The following NBPF20 variants were observed in gnomAD, a reference collection of about 807,000 sequenced individuals.
NBPF20 encodes the protein NBPF family member NBPF20.
In NBPF20, 90 loss-of-function variants were observed where a neutral mutation model predicts 68.1. The ratio of observed to expected loss-of-function variants is 1.32; its 90% CI spans 1.11 to 1.58. The LOEUF (loss-of-function observed/expected upper bound fraction) is 1.58, where lower values mean the gene tolerates loss of function less well. NBPF20 is among the 40% of genes most tolerant of loss of function. NBPF20 has a pLI of 0.00. For synonymous variants in NBPF20, 290 were observed against 228.1 expected (o/e 1.27, Z -2.45); for missense variants, 816 against 601.2 (o/e 1.36, Z -3.74).
chr1:145,393,380 A>G (rs1553662580), intron 9 of NBPF20, 134 bp from the exon 15 acceptor site: 3 of 713,122 alleles, frequency 4.2e-6, no homozygotes, highest in Non-Finnish European at 7.8e-6. Context: ...GTAAGAAATT[A>G]TTGCCTTTAT....
At chr1:145,408,079 T>G (rs1662881014), upstream of NBPF20, 11 of 188,114 alleles carry the variant, frequency 5.8e-5, no homozygotes, top group South Asian at 1.3e-3. Flanking sequence ...GCCAAGACGC[T>G]AGGCCTGCTG....
At chr1:145,397,893 T>A (rs1662336097) in intron 7 of NBPF20, among the ~76,000 whole-genome samples, 1 of 152,046 alleles carries the variant, frequency 6.6e-6, no homozygotes, top group African/African-American at 2.4e-5. Flanking sequence ...GAGGAAGATC[T>A]ACCAAGCAAA....
exon 9 of NBPF20, chr1:145,393,926 C>A (rs1303986556): frequency 7.9e-6 from 11 of 1,397,398 alleles, no homozygotes; most frequent in Non-Finnish European, 1.1e-5. Flanking sequence ...CACTTGATCC[C>A]ACCGATGTCC....
the NBPF20 span, among the ~76,000 whole-genome samples, chr1:145,410,932 TA>T: frequency 7.2e-6 from 1 of 139,296 alleles, no homozygotes; most frequent in Non-Finnish European, 1.5e-5. Flanking sequence ...TATACATATA[TA>T]TATGTCCTAA....
exon 2 of NBPF20, chr1:145,405,260 C>G (rs782010590): frequency 4.4e-5 from 71 of 1,608,984 alleles, no homozygotes; most frequent in Non-Finnish European, 5.9e-5. Flanking sequence ...CAAGGGCCGG[C>G]TGATACCACC....
At chr1:145,342,878 G>A (rs1661633265) in intron 73 of NBPF20, among the ~76,000 whole-genome samples, 2 of 49,846 alleles carry the variant, frequency 4.0e-5, no homozygotes, top group African/African-American at 2.1e-4. Flanking sequence ...GACACTCTGA[G>A]TTAGTGCCCT....
intron 115 of NBPF20, among the ~76,000 whole-genome samples, chr1:145,309,546 G>T (rs1346579977): frequency 1.6e-5 from 1 of 63,842 alleles, no homozygotes; most frequent in South Asian, 6.5e-4. Context: ...ACACTGATGA[G>T]GGAGTAACAG....
chr1:145,402,685 C>T (rs1398910436), intron 3 of NBPF20, among the ~76,000 whole-genome samples: 1 of 150,284 alleles, frequency 6.7e-6, no homozygotes, highest in African/African-American at 2.5e-5. Context: ...CTCACTCTGG[C>T]CATGGACATT....
exon 4 of NBPF20, chr1:145,402,295 G>A (rs1444989608): frequency 3.8e-5 from 62 of 1,610,528 alleles, no homozygotes; most frequent in African/African-American, 2.9e-4. Flanking sequence ...CTCATTCAAT[G>A]AGCGGGAGGC....
intron 2 of NBPF20, among the ~76,000 whole-genome samples, chr1:145,404,526 A>G (rs587754495): frequency 8.5e-5 from 13 of 152,130 alleles, no homozygotes; most frequent in East Asian, 7.8e-4. Flanking sequence ...CAAAGTGCTG[A>G]GATTACAGGA....
chr1:145,394,058 G>C (rs1194537903), intron 8 of NBPF20, 123 bp from the exon 14 acceptor site: 314 of 725,294 alleles, frequency 4.3e-4, no homozygotes, highest in Non-Finnish European at 6.0e-4. Flanking sequence ...AGGAGACTTT[G>C]AGAGAAATAT....
chr1:145,421,374 A>T, the NBPF20 span, among the ~76,000 whole-genome samples: 1 of 152,186 alleles, frequency 6.6e-6, no homozygotes, highest in Non-Finnish European at 1.5e-5. Flanking sequence ...AGCAACACAT[A>T]CAAAGGTTTA....
exon 137 of NBPF20, chr1:145,292,439 T>C (rs781842794): frequency 7.0e-6 from 5 of 710,370 alleles, no homozygotes; most frequent in Non-Finnish European, 1.2e-5. Flanking sequence ...CTTCTTTTCT[T>C]CTTTGATCTT....
exon 138 of NBPF20, chr1:145,290,073 G>A (rs1358587367): frequency 6.7e-6 from 1 of 149,968 alleles, no homozygotes; most frequent in Non-Finnish European, 1.5e-5. Context: ...CTCAGGCAGA[G>A]AATGTCTTCT....
rs1203176884 is a variant in NBPF20, at chr1:145,395,687, A to G, written c.828-546T>C. Among the ~76,000 whole-genome samples, 35 of 149,230 alleles carry G rather than the reference A, an allele frequency of 2.3e-4. 4 individuals are homozygous for G. Among genetic ancestry groups the G allele is most frequent in the African/African-American group, 5.2e-4 (20 of 38,696 alleles). On this transcript the variant is annotated intron_variant, in intron 7 of 137. Coordinates refer to ENST00000369373, the Ensembl canonical transcript of NBPF20. ...TTTAAACACATCGGAGAGAATAGGC[A>G]ACACCAAGAAATCCCTGTTTGAGGG...
At chr1:145,419,097 AAGGG>A in the NBPF20 span, among the ~76,000 whole-genome samples, 13,054 of 126,090 alleles carry the variant, frequency 0.1, 2,055 homozygotes, top group African/African-American at 0.35. Flanking sequence ...GGAAGGAAGG[AAGGG>A]AGGGAGGGAG....
At chr1:145,393,576 G>A (rs1232953714) in intron 9 of NBPF20, 7 of 647,408 alleles carry the variant, frequency 1.1e-5, no homozygotes, top group Non-Finnish European at 1.1e-5. Context: ...GACACACTGT[G>A]AACAGTGATC....
At chr1:145,417,559 A>C in the NBPF20 span, among the ~76,000 whole-genome samples, 1 of 150,604 alleles carries the variant, frequency 6.6e-6, no homozygotes, top group African/African-American at 2.4e-5. Flanking sequence ...TTTACAAAAT[A>C]ATCTGATGGA....
chr1:145,393,140 G>A lies in NBPF20; in HGVS notation c.1150C>T (p.Gln384Ter), dbSNP rs1429125063. Residue 384 changes from glutamine to a stop codon, truncating the protein, a stop_gained, in exon 10 of 138, where the codon CAG (glutamine) becomes TAG (stop). Transcript: ENST00000369373. LOFTEE classifies it high-confidence loss of function. ...ACGTAAAAGGCACTTCTGTAGGGCT[G>A]GCATGAGTCAGTCAGTTCAAGACAA... is the stretch of plus-strand genomic sequence containing the variant. 25 of 666,980 alleles carry A rather than the reference G, an allele frequency of 3.7e-5. No individual in the cohort carries two copies. The highest frequency in any genetic ancestry group is 6.1e-5 in the Non-Finnish European group (24 of 394,476). 41.3% of individuals were successfully genotyped at this position (666,980 alleles called of 1,614,324 possible). A position where few individuals can be genotyped will look rare whatever the true frequency, so the allele number is the denominator to read the frequency against.
Sources: allele counts gnomAD v4.1 joint callset (sites outside exome capture counted in the v4.1 genomes callset), GRCh38; gene constraint gnomAD v4.1.1; transcripts MANE v1.5; gene names NCBI Gene and HGNC (gene_info 2026-07-23, HGNC 2026-07-21).